The following NELL1 variants were observed in gnomAD, a reference collection of about 807,000 sequenced individuals.
NELL1 encodes the protein protein kinase C-binding protein NELL1.
Under a neutral mutation model 107.4 loss-of-function variants are expected in NELL1, and 76 were observed. The observed-to-expected ratio is 0.71, with a 90% CI of 0.59 to 0.86. The LOEUF is 0.86. NELL1 is among the 40% of genes least tolerant of loss of function. The pLI is 0.00. For missense variants in NELL1, 1,024 were observed against 1,005.5 expected (o/e 1.02, Z -0.25); for synonymous variants, 353 against 341.2 (o/e 1.03, Z -0.38).
At chr11:20,996,346 T>A (rs912899232) in intron 12 of NELL1, among the ~76,000 whole-genome samples, 7 of 152,212 alleles carry the variant, frequency 4.6e-5, no homozygotes, top group African/African-American at 1.7e-4. Context: ...TACCCAGTCT[T>A]TGGGTGATAG....
At chr11:20,741,903 T>C (rs1033098213) in intron 2 of NELL1, among the ~76,000 whole-genome samples, 1 of 152,226 alleles carries the variant, frequency 6.6e-6, no homozygotes, top group Admixed American at 6.5e-5. Context: ...TAAACTTTAA[T>C]GTGTATATGA....
intron 14 of NELL1, among the ~76,000 whole-genome samples, chr11:21,240,413 T>C (rs1423446128): frequency 6.6e-6 from 1 of 152,024 alleles, no homozygotes; most frequent in African/African-American, 2.4e-5. Flanking sequence ...AATTCCAATT[T>C]AGTTCTAAGA....
At chr11:20,890,836 G>T (rs1356510315) in intron 5 of NELL1, among the ~76,000 whole-genome samples, 1 of 152,026 alleles carries the variant, frequency 6.6e-6, no homozygotes, top group African/African-American at 2.4e-5. Flanking sequence ...AATGAACAAA[G>T]CCTCCAAGAA....
chr11:20,811,168 C>T (rs112405747), intron 3 of NELL1, among the ~76,000 whole-genome samples: 25 of 152,160 alleles, frequency 1.6e-4, no homozygotes, highest in Non-Finnish European at 3.4e-4. Flanking sequence ...TTATTGTATA[C>T]GTTAAGAAAT....
chr11:21,367,001 T>G (rs1851236569), intron 14 of NELL1, among the ~76,000 whole-genome samples: 1 of 152,022 alleles, frequency 6.6e-6, no homozygotes, highest in African/African-American at 2.4e-5. Context: ...AAACCCACCT[T>G]CTCATTTTGT....
At chr11:21,043,331 A>T (rs1242136595) in intron 12 of NELL1, among the ~76,000 whole-genome samples, 1 of 152,162 alleles carries the variant, frequency 6.6e-6, no homozygotes, top group Non-Finnish European at 1.5e-5. Context: ...GATGGATATT[A>T]AATGAGAAAA....
intron 14 of NELL1, among the ~76,000 whole-genome samples, chr11:21,292,526 G>T (rs954856066): frequency 3.3e-5 from 5 of 152,102 alleles, no homozygotes; most frequent in Middle Eastern, 3.2e-3. Context: ...TAGATTCAAT[G>T]CTCTCCCCAT....
At chr11:20,689,122 T>C (rs1854384517) in intron 2 of NELL1, among the ~76,000 whole-genome samples, 1 of 152,102 alleles carries the variant, frequency 6.6e-6, no homozygotes, top group Non-Finnish European at 1.5e-5. Context: ...TTAATATTGT[T>C]ATTTGGTTTT....
chr11:21,448,754 C>T (rs1393957623), intron 15 of NELL1, among the ~76,000 whole-genome samples: 2 of 152,202 alleles, frequency 1.3e-5, no homozygotes, highest in African/African-American at 2.4e-5. Flanking sequence ...AAATGACAAA[C>T]ACTGATTTCC....
chr11:20,956,539 G>C (rs1319368112), intron 11 of NELL1, among the ~76,000 whole-genome samples: 4 of 150,630 alleles, frequency 2.7e-5, no homozygotes, highest in African/African-American at 9.8e-5. Flanking sequence ...CCGGCTACTT[G>C]GGAAGCTGAG....
At chr11:21,100,378 C>T (rs1302061077) in intron 12 of NELL1, among the ~76,000 whole-genome samples, 1 of 152,124 alleles carries the variant, frequency 6.6e-6, no homozygotes, top group Non-Finnish European at 1.5e-5. Flanking sequence ...CAATGTTGTG[C>T]AACAATCATC....
intron 16 of NELL1, among the ~76,000 whole-genome samples, chr11:21,541,478 A>ATGAT (rs1856291058): frequency 6.6e-6 from 1 of 152,106 alleles, no homozygotes; most frequent in South Asian, 2.1e-4. Flanking sequence ...TGGCCTAAGA[A>ATGAT]TGATTTTGCT....
At chr11:21,201,554 C>G (rs1212203237) in intron 13 of NELL1, among the ~76,000 whole-genome samples, 1 of 152,128 alleles carries the variant, frequency 6.6e-6, no homozygotes, top group Non-Finnish European at 1.5e-5. Context: ...TCTAAATATA[C>G]AGTCATGTCA....
intron 12 of NELL1, among the ~76,000 whole-genome samples, chr11:20,981,523 T>TA: frequency 6.6e-6 from 1 of 152,232 alleles, no homozygotes; most frequent in Non-Finnish European, 1.5e-5. Context: ...CTATGATTAT[T>TA]AACAGTGCCC....
rs540355267 is a variant in NELL1 at position 20,884,440 on chromosome 11, A to C, written c.507-1004A>C. Among the ~76,000 whole-genome samples, 6 of 152,306 alleles carry C rather than the reference A, an allele frequency of 3.9e-5. No individual in the cohort carries two copies. In the East Asian group the frequency reaches 1.2e-3, roughly 29 times the overall value. ...GGACTCAGGAAAGCAAGAAATGGAC[A>C]TAGTTCTCGTTTACAGATCACTGTG... On this transcript the variant is annotated intron_variant, in intron 4 of 19. Transcript: ENST00000357134.
intron 2 of NELL1, among the ~76,000 whole-genome samples, chr11:20,759,027 A>G (rs1027887521): frequency 3.9e-5 from 6 of 152,188 alleles, no homozygotes; most frequent in African/African-American, 1.4e-4. Context: ...GAGATAGAGA[A>G]TTTTATCCCA....
intron 15 of NELL1, among the ~76,000 whole-genome samples, chr11:21,506,536 C>T (rs551413384): frequency 6.6e-6 from 1 of 152,304 alleles, no homozygotes. Context: ...GACATATTCT[C>T]ACTGTGTGAC....
At chr11:21,545,334 T>C (rs761903501) in intron 16 of NELL1, among the ~76,000 whole-genome samples, 29 of 151,954 alleles carry the variant, frequency 1.9e-4, no homozygotes, top group Admixed American at 6.6e-5. Context: ...AAAAAAGGAT[T>C]GTGAAGCAGG....
At chr11:21,303,295 A>G (rs1324322456) in intron 14 of NELL1, among the ~76,000 whole-genome samples, 3 of 152,016 alleles carry the variant, frequency 2.0e-5, no homozygotes, top group Non-Finnish European at 2.9e-5. Flanking sequence ...ATACTTTAAG[A>G]TATATTGCAA....
Sources: gnomAD v4.1 joint callset for allele counts (sites outside exome capture counted in the v4.1 genomes callset) on GRCh38, gnomAD v4.1.1 for gene constraint, MANE v1.5 for transcripts, NCBI Gene and HGNC (gene_info 2026-07-23, HGNC 2026-07-21) for gene names.